The following FNIP1 variants were observed in gnomAD, a reference collection of about 807,000 sequenced individuals.
FNIP1 encodes folliculin interacting protein 1, also known as folliculin-interacting protein 1.
Under a neutral mutation model 124.5 loss-of-function variants are expected in FNIP1, and 40 were observed. That is an observed-to-expected ratio of 0.32 (90% CI 0.25 to 0.42). The LOEUF is 0.42. FNIP1 is among the 10% of genes least tolerant of loss of function. The pLI, the probability that FNIP1 is intolerant of heterozygous loss-of-function variation, is 1.00. For synonymous variants in FNIP1, 472 were observed against 470.6 expected, an observed-to-expected ratio of 1.00 and a Z score of -0.04; for missense variants, 1,176 against 1,403.7, an observed-to-expected ratio of 0.84 and a Z score of 2.59.
At chr5:131,755,909 TGAA>T (rs1341670947) in intron 1 of FNIP1, among the ~76,000 whole-genome samples, 1 of 151,540 alleles carries the variant, frequency 6.6e-6, no homozygotes, top group East Asian at 1.9e-4. Context: ...CTTGGGAGGC[TGAA>T]GAAGGAGAAT....
chr5:131,762,387 GA>G (rs1291750486), intron 1 of FNIP1, among the ~76,000 whole-genome samples: 3 of 152,000 alleles, frequency 2.0e-5, no homozygotes, highest in Admixed American at 1.3e-4. Flanking sequence ...TAAGGAGCTC[GA>G]ACAACTATAT....
At chr5:131,767,469 T>C (rs1771476587) in intron 1 of FNIP1, among the ~76,000 whole-genome samples, 1 of 147,952 alleles carries the variant, frequency 6.8e-6, no homozygotes. Context: ...AAAGAAATGT[T>C]CTTAAGCAGG....
At chr5:131,735,574 GTATAC>G (rs1770269261) in intron 2 of FNIP1, among the ~76,000 whole-genome samples, 1 of 147,074 alleles carries the variant, frequency 6.8e-6, no homozygotes, top group Admixed American at 6.9e-5. Context: ...ATTTATATAT[GTATAC>G]ATATACACGT....
chr5:131,707,432 G>GA (rs1183715357), intron 8 of FNIP1, among the ~76,000 whole-genome samples: 1 of 152,184 alleles, frequency 6.6e-6, no homozygotes. Context: ...GTACAGGCCA[G>GA]ATGATAAATT....
At chr5:131,745,405 A>G (rs1442904131) in intron 1 of FNIP1, among the ~76,000 whole-genome samples, 1 of 152,112 alleles carries the variant, frequency 6.6e-6, no homozygotes, top group African/African-American at 2.4e-5. Flanking sequence ...CTGTAGTCCT[A>G]GCTACTTAAG....
At chr5:131,670,698 A>C (rs926667081) in intron 14 of FNIP1, 67 bp from the exon 15 acceptor site, 8 of 1,248,724 alleles carry the variant, frequency 6.4e-6, no homozygotes, top group African/African-American at 4.7e-5. Context: ...TAAAAAAAAA[A>C]AAAAGTGAAT....
At chr5:131,745,622 T>TATAC (rs1474858711) in intron 1 of FNIP1, among the ~76,000 whole-genome samples, 1 of 152,128 alleles carries the variant, frequency 6.6e-6, no homozygotes, top group East Asian at 1.9e-4. Context: ...TATGTGTGTG[T>TATAC]ATACATACAC....
intron 15 of FNIP1, among the ~76,000 whole-genome samples, chr5:131,660,519 T>C (rs1298687299): frequency 6.6e-6 from 1 of 152,048 alleles, no homozygotes; most frequent in African/African-American, 2.4e-5. Flanking sequence ...TATGATGTTA[T>C]TTCTGCCCCA....
chr5:131,722,769 T>C (rs1284849537), intron 3 of FNIP1, among the ~76,000 whole-genome samples: 1 of 152,190 alleles, frequency 6.6e-6, no homozygotes, highest in African/African-American at 2.4e-5. Flanking sequence ...CACTGCAACC[T>C]CCGCCTCCTG....
chr5:131,646,824 A>T (rs1216927088), intron 17 of FNIP1, among the ~76,000 whole-genome samples: 1 of 152,222 alleles, frequency 6.6e-6, no homozygotes, highest in Non-Finnish European at 1.5e-5. Context: ...GTATGTACTT[A>T]TGTTTCTGAG....
intron 15 of FNIP1, among the ~76,000 whole-genome samples, chr5:131,656,735 T>A (rs577094989): frequency 3.4e-4 from 51 of 152,206 alleles, no homozygotes; most frequent in African/African-American, 1.2e-3. Flanking sequence ...CAGGTTTTTA[T>A]TGCTGATGAA....
At position 131,710,549 on chromosome 5, in the gene FNIP1, C is replaced by T. The variant is rs765298223; in HGVS notation, c.706+29G>A. ...GATTCTAGCCGTTGGGGCACACCAA[C>T]TAGTCTACCCACACAGCACATCGCA... On this transcript the variant is annotated intron_variant, in intron 7 of 17. Coordinates refer to ENST00000510461, the MANE Select transcript of FNIP1 (RefSeq NM_133372.3). The T allele has an allele frequency of 6.2e-6, 10 of 1,600,986 alleles. No individual in the cohort carries two copies. In the South Asian group the frequency reaches 1.1e-4, roughly 18 times the overall value.
intron 3 of FNIP1, among the ~76,000 whole-genome samples, chr5:131,725,673 T>C (rs571162824): frequency 2.0e-5 from 3 of 152,320 alleles, no homozygotes; most frequent in East Asian, 1.9e-4. Flanking sequence ...CTCTTCCTAT[T>C]TGAATACCCT....
chr5:131,755,189 GGT>G (rs2149568234), intron 1 of FNIP1, among the ~76,000 whole-genome samples: 1 of 152,322 alleles, frequency 6.6e-6, no homozygotes, highest in African/African-American at 2.4e-5. Flanking sequence ...GGGAGGCCAA[GGT>G]GGGTGGATCT....
rs770953866 is a variant in FNIP1 at position 131,672,623 on chromosome 5, A to G, written c.1821T>C (p.Asn607=). The change falls in exon 14 of 18, where the codon AAT becomes AAC. Residue 607 remains asparagine (N), a synonymous_variant. Coordinates refer to ENST00000510461, the MANE Select transcript of FNIP1 (RefSeq NM_133372.3). ...GATGACTGCAATATTTACAGTTACAATTGGGAGTTCTAATTTCTTCTGACT... is the reference window on the plus strand; with the variant it reads ...GATGACTGCAATATTTACAGTTACAGTTGGGAGTTCTAATTTCTTCTGACT... The part of the protein sequence containing the change: ...FKESEEIRTP[N]CNCKYCSHPL... 3 of 1,614,036 alleles carry G rather than the reference A, an allele frequency of 1.9e-6. No homozygotes were observed. Among genetic ancestry groups the G allele is most frequent in the Middle Eastern group, 1.6e-4 (1 of 6,084 alleles).
intron 3 of FNIP1, among the ~76,000 whole-genome samples, chr5:131,730,150 T>C (rs1471864154): frequency 1.3e-5 from 2 of 152,190 alleles, no homozygotes; most frequent in African/African-American, 4.8e-5. Context: ...TAAGGTATCA[T>C]GCCTAAAGGG....
At chr5:131,689,152 C>CAAAAA (rs36082666) in intron 11 of FNIP1, among the ~76,000 whole-genome samples, 1 of 140,062 alleles carries the variant, frequency 7.1e-6, no homozygotes. Flanking sequence ...AGAAACTATG[C>CAAAAA]AAAAAAAAAA....
At chr5:131,658,040 CAAA>C (rs543062745) in intron 15 of FNIP1, among the ~76,000 whole-genome samples, 3 of 57,298 alleles carry the variant, frequency 5.2e-5, no homozygotes, top group Admixed American at 2.1e-4. Context: ...GACTCCATCT[CAAA>C]AAAAAAAAAA....
At chr5:131,684,795 C>G (rs1168380919) in intron 11 of FNIP1, among the ~76,000 whole-genome samples, 1 of 152,138 alleles carries the variant, frequency 6.6e-6, no homozygotes, top group African/African-American at 2.4e-5. Flanking sequence ...TTCCTCAGAG[C>G]CCAAGCAGAA....
Sources: gnomAD v4.1 joint callset for allele counts (sites outside exome capture counted in the v4.1 genomes callset) on GRCh38, gnomAD v4.1.1 for gene constraint, MANE v1.5 for transcripts, NCBI Gene and HGNC (gene_info 2026-07-23, HGNC 2026-07-21) for gene names.